The following VPS8 variants were observed in gnomAD, a reference collection of about 807,000 sequenced individuals.
VPS8 encodes VPS8 subunit of CORVET complex, also known as vacuolar protein sorting-associated protein 8 homolog.
A neutral mutation model predicts 216.4 loss-of-function variants in VPS8; 129 were observed. The observed-to-expected ratio is 0.60, with a 90% CI of 0.52 to 0.69. VPS8 has a LOEUF of 0.69. Among genes scored for constraint, VPS8 ranks in the 30% least tolerant of loss-of-function variants. The pLI is 0.00. For synonymous variants in VPS8, 571 were observed against 565.4 expected (o/e 1.01, Z -0.14); for missense variants, 1,531 against 1,683.5 (o/e 0.91, Z 1.59).
chr3:185,019,926 GA>G (rs1279240811), intron 45 of VPS8, among the ~76,000 whole-genome samples: 1 of 152,180 alleles, frequency 6.6e-6, no homozygotes, highest in African/African-American at 2.4e-5. Flanking sequence ...CTTTTGGTGT[GA>G]AAAATATTTT....
At chr3:184,992,490 A>C (rs1306596614) in intron 42 of VPS8, among the ~76,000 whole-genome samples, 1 of 152,048 alleles carries the variant, frequency 6.6e-6, no homozygotes, top group African/African-American at 2.4e-5. Context: ...ATCCCATCTT[A>C]TCTGCTTGAT....
intron 46 of VPS8, among the ~76,000 whole-genome samples, chr3:185,045,627 C>G (rs1024113738): frequency 1.3e-5 from 2 of 152,038 alleles, no homozygotes; most frequent in Non-Finnish European, 2.9e-5. Flanking sequence ...AAAAACTAGC[C>G]GAGCATGGTG....
chr3:184,901,072 G>C, intron 25 of VPS8, 100 bp downstream of exon 25: 1 of 1,017,786 alleles, frequency 9.8e-7, no homozygotes, highest in East Asian at 2.4e-5. Context: ...TGTGAATGTT[G>C]GTAATCATGT....
chr3:185,002,752 T>A (rs1369424349), intron 45 of VPS8, among the ~76,000 whole-genome samples: 1 of 152,214 alleles, frequency 6.6e-6, no homozygotes, highest in Admixed American at 6.5e-5. Context: ...GGTCTCCATC[T>A]CCATCCAGAT....
chr3:185,034,964 A>G (rs567916944), intron 46 of VPS8, among the ~76,000 whole-genome samples: 1 of 152,330 alleles, frequency 6.6e-6, no homozygotes, highest in South Asian at 2.1e-4. Context: ...AACATCAGGA[A>G]CAACTCTATA....
At chr3:184,917,231 A>G (rs879731766) in intron 28 of VPS8, among the ~76,000 whole-genome samples, 1 of 152,210 alleles carries the variant, frequency 6.6e-6, no homozygotes, top group African/African-American at 2.4e-5. Flanking sequence ...AGGGCTGAAT[A>G]TATAGAAAGG....
At chr3:184,827,049 A>G (rs1718947266) in intron 3 of VPS8, among the ~76,000 whole-genome samples, 1 of 152,194 alleles carries the variant, frequency 6.6e-6, no homozygotes, top group African/African-American at 2.4e-5. Context: ...CTAATTTGAG[A>G]AAGATCTTGC....
chr3:184,924,548 C>T (rs1184237885), intron 29 of VPS8, among the ~76,000 whole-genome samples: 1 of 151,962 alleles, frequency 6.6e-6, no homozygotes, highest in Non-Finnish European at 1.5e-5. Flanking sequence ...GAAGGATTCT[C>T]TAAGAATTAC....
chr3:184,973,231 T>C (rs1748720541), intron 40 of VPS8, among the ~76,000 whole-genome samples: 1 of 152,196 alleles, frequency 6.6e-6, no homozygotes, highest in Non-Finnish European at 1.5e-5. Flanking sequence ...ATATTCATCC[T>C]GTCACTCAGA....
intron 10 of VPS8, among the ~76,000 whole-genome samples, chr3:184,851,485 G>A (rs926047882): frequency 4.6e-5 from 7 of 151,978 alleles, no homozygotes; most frequent in East Asian, 1.9e-4. Flanking sequence ...GTGTGTGTGC[G>A]TTTATATGAA....
intron 34 of VPS8, among the ~76,000 whole-genome samples, chr3:184,934,890 A>G (rs538330229): frequency 3.9e-5 from 6 of 152,192 alleles, no homozygotes; most frequent in Non-Finnish European, 7.4e-5. Context: ...TCTTTTTTCT[A>G]TTCTCTGTTG....
intron 36 of VPS8, among the ~76,000 whole-genome samples, chr3:184,952,297 G>T (rs1256406787): frequency 6.6e-6 from 1 of 152,114 alleles, no homozygotes; most frequent in Admixed American, 6.5e-5. Context: ...CGTGTGTGGG[G>T]ATTTTTCCCC....
At chr3:184,868,105 C>G (rs1173760801) in intron 18 of VPS8, 46 bp downstream of exon 18, 1 of 1,585,360 alleles carries the variant, frequency 6.3e-7, no homozygotes, top group Non-Finnish European at 8.6e-7. Context: ...GAATTGGTAG[C>G]TTCTTAACAT....
intron 34 of VPS8, among the ~76,000 whole-genome samples, chr3:184,935,545 T>C (rs1245274112): frequency 6.6e-6 from 1 of 152,168 alleles, no homozygotes; most frequent in East Asian, 1.9e-4. Flanking sequence ...CCGTGTATTG[T>C]GGTTGTGTTT....
chr3:184,939,714 T>C (rs566329277), intron 35 of VPS8, among the ~76,000 whole-genome samples: 1 of 152,336 alleles, frequency 6.6e-6, no homozygotes, highest in Admixed American at 6.5e-5. Flanking sequence ...CTTCTGTAGT[T>C]GTTGATATTC....
rs527836489 is a variant in VPS8 at position 185,052,005 on chromosome 3, C to T, written c.4267C>T (p.Pro1423Ser). 4.3e-6 allele frequency: 7 copies of T among 1,612,738 alleles called. No homozygotes were observed. Among genetic ancestry groups the T allele is most frequent in the East Asian group, 2.2e-5 (1 of 44,810 alleles). ...NENFQLQLIP[P>S]PVTED ...GAACTTCCAGCTGCAGCTCATTCCTCCACCTGTGACTGAGGATTGATGACT... is the reference window on the plus strand; with the variant it reads ...GAACTTCCAGCTGCAGCTCATTCCTTCACCTGTGACTGAGGATTGATGACT... The change falls in exon 48 of 48, where the codon CCA becomes TCA. Residue 1423 changes from proline to serine, a missense_variant. By Grantham distance (74) the Pro-to-Ser change is moderately conservative. Coordinates refer to ENST00000625842, the MANE Select transcript of VPS8 (RefSeq NM_001009921.3).
chr3:184,950,909 A>T (rs1174146833), intron 36 of VPS8, among the ~76,000 whole-genome samples: 1 of 152,132 alleles, frequency 6.6e-6, no homozygotes, highest in Non-Finnish European at 1.5e-5. Flanking sequence ...ATTCCTTTTT[A>T]TGGCTGCATA....
chr3:184,947,567 C>A (rs1743929037), intron 36 of VPS8, among the ~76,000 whole-genome samples: 1 of 148,998 alleles, frequency 6.7e-6, no homozygotes, highest in Admixed American at 6.7e-5. Context: ...TTTTTTAAAT[C>A]AAAATCAACT....
At chr3:185,044,933 A>G (rs1353371914) in intron 46 of VPS8, among the ~76,000 whole-genome samples, 1 of 152,176 alleles carries the variant, frequency 6.6e-6, no homozygotes, top group African/African-American at 2.4e-5. Flanking sequence ...CTGGTTGCAG[A>G]GGGGAAGGAG....
Sources: gnomAD v4.1 joint callset for allele counts (sites outside exome capture counted in the v4.1 genomes callset) on GRCh38, gnomAD v4.1.1 for gene constraint, MANE v1.5 for transcripts, NCBI Gene and HGNC (gene_info 2026-07-23, HGNC 2026-07-21) for gene names.